FANCB: variants seen among roughly 807,000 people sequenced by gnomAD.
FANCB encodes FA complementation group B, also known as Fanconi anemia group B protein.
Under a neutral mutation model 38.9 loss-of-function variants are expected in FANCB, and 5 were observed. The observed-to-expected ratio is 0.13, with a 90% CI of 0.07 to 0.27. The LOEUF (loss-of-function observed/expected upper bound fraction) is 0.27. Among genes scored for constraint, FANCB ranks in the 10% least tolerant of loss-of-function variants. The pLI is 1.00. For missense variants in FANCB, 573 were observed against 602.7 expected, an observed-to-expected ratio of 0.95 and a Z score of 0.52; for synonymous variants, 236 against 215.4, an observed-to-expected ratio of 1.10 and a Z score of -0.84.
At chrX:14,820,738 A>G in the FANCB span, among the ~76,000 whole-genome samples, 1 of 110,700 alleles carries the variant, frequency 9.0e-6, no homozygotes, top group African/African-American at 3.3e-5. Context: ...GATAGCAATG[A>G]TCTCAGCTGT....
chrX:14,714,637 G>A, the FANCB span, among the ~76,000 whole-genome samples: 5 of 111,673 alleles, frequency 4.5e-5, no homozygotes, highest in African/African-American at 6.5e-5. Context: ...CCACTACTGG[G>A]GGTGAAGTCT....
chrX:14,854,792 G>A (rs1211806144), intron 5 of FANCB, among the ~76,000 whole-genome samples: 2 of 111,714 alleles, frequency 1.8e-5, no homozygotes, highest in African/African-American at 3.3e-5. Context: ...TCCAGGAGCT[G>A]CCCAGGGGCC....
chrX:14,707,298 T>C, the FANCB span, among the ~76,000 whole-genome samples: 1 of 111,603 alleles, frequency 9.0e-6, no homozygotes, highest in Non-Finnish European at 1.9e-5. Flanking sequence ...ATTAGAGTCA[T>C]GGCCTAACCA....
At chrX:14,730,103 C>T in the FANCB span, 5 of 595,060 alleles carry the variant, frequency 8.4e-6, no homozygotes, top group Non-Finnish European at 1.1e-5. Flanking sequence ...TCCCACACCA[C>T]CAGTTAACTG....
the FANCB span, among the ~76,000 whole-genome samples, chrX:14,692,500 TG>T: frequency 2.7e-5 from 3 of 112,194 alleles, no homozygotes; most frequent in South Asian, 7.4e-4. Flanking sequence ...CTTTTACATA[TG>T]GTAATACTGC....
chrX:14,713,197 T>C, the FANCB span, among the ~76,000 whole-genome samples: 5 of 112,200 alleles, frequency 4.5e-5, no homozygotes, highest in Non-Finnish European at 7.5e-5. Context: ...CTGATGCTGT[T>C]ATTATTGTTT....
rs2147387445 is a variant in FANCB at position 14,843,954 on chromosome X, A to C, written c.2193T>G (p.Leu731=). The C allele has an allele frequency of 8.3e-7, 1 of 1,203,035 alleles. No homozygotes were observed. Among genetic ancestry groups the C allele is most frequent in the Non-Finnish European group, 1.1e-6 (1 of 888,842 alleles). ...TAGGGAGAATTCTGATGAGATTATGAAGGCACTGGAACATAACTGTTTGAT... is the reference window on the plus strand; with the variant it reads ...TAGGGAGAATTCTGATGAGATTATGCAGGCACTGGAACATAACTGTTTGAT... ...SRNQTVMFQC[L]HNLIRILPIN... The change falls in exon 10 of 10, where the codon CTT becomes CTG. Residue 731 remains leucine, a synonymous_variant. Transcript: ENST00000650831.
intron 4 of FANCB, among the ~76,000 whole-genome samples, chrX:14,858,638 C>G (rs990988389): frequency 3.6e-5 from 4 of 111,224 alleles, no homozygotes; most frequent in Non-Finnish European, 7.5e-5. Context: ...CTCACTGCAG[C>G]CTTGAATTCC....
At chrX:14,733,327 T>G in the FANCB span, among the ~76,000 whole-genome samples, 3 of 111,882 alleles carry the variant, frequency 2.7e-5, no homozygotes, top group Non-Finnish European at 3.8e-5. Context: ...TTGTTCTTTT[T>G]GCTTAGGATT....
chrX:14,834,541 A>T (rs1173957697), downstream of FANCB: 2 of 503,081 alleles, frequency 4.0e-6, no homozygotes, highest in Non-Finnish European at 7.2e-6. Flanking sequence ...GCAATTCTTC[A>T]CATAACTGAT....
chrX:14,715,447 T>A, the FANCB span, among the ~76,000 whole-genome samples: 23,025 of 111,433 alleles, frequency 0.21, 2,175 homozygotes, highest in Non-Finnish European at 0.3. Context: ...CAAGTATTAT[T>A]CTAGGCACTG....
the FANCB span, chrX:14,730,515 G>T: frequency 1.9e-6 from 2 of 1,059,244 alleles, no homozygotes; most frequent in Non-Finnish European, 2.6e-6. Context: ...GGACCTTCTT[G>T]CCTCAGTGTT....
the FANCB span, among the ~76,000 whole-genome samples, chrX:14,711,948 C>T: frequency 1.8e-5 from 2 of 112,614 alleles, no homozygotes; most frequent in East Asian, 5.6e-4. Context: ...AGTTTCTGTC[C>T]TTTGTAACAA....
the FANCB span, among the ~76,000 whole-genome samples, chrX:14,742,832 G>A: frequency 2.7e-5 from 3 of 112,618 alleles, no homozygotes; most frequent in Non-Finnish European, 5.6e-5. Flanking sequence ...CTACAGAAAG[G>A]TAAACATTTT....
chrX:14,696,863 G>T, the FANCB span, among the ~76,000 whole-genome samples: 8 of 112,093 alleles, frequency 7.1e-5, no homozygotes, highest in Non-Finnish European at 1.3e-4. Flanking sequence ...ACATGGAGAT[G>T]TTCTTAAGTT....
At chrX:14,709,586 T>C in the FANCB span, among the ~76,000 whole-genome samples, 2 of 112,423 alleles carry the variant, frequency 1.8e-5, no homozygotes, top group African/African-American at 6.5e-5. Flanking sequence ...TATAAGAAGC[T>C]ATAAGCGACA....
chrX:14,840,153 G>A (rs980554705), downstream of FANCB, among the ~76,000 whole-genome samples: 5 of 111,931 alleles, frequency 4.5e-5, no homozygotes, highest in Admixed American at 2.8e-4. Flanking sequence ...CACTGCTCCC[G>A]GCCAAGGAAT....
At chrX:14,713,364 C>T in the FANCB span, among the ~76,000 whole-genome samples, 1 of 111,945 alleles carries the variant, frequency 8.9e-6, no homozygotes, top group East Asian at 2.8e-4. Flanking sequence ...TTTTGTGTGT[C>T]TTTTGAGCAC....
chrX:14,773,345 T>C, the FANCB span, among the ~76,000 whole-genome samples: 1 of 112,060 alleles, frequency 8.9e-6, no homozygotes, highest in Non-Finnish European at 1.9e-5. Flanking sequence ...ATGTCAGCAA[T>C]GGCAGGGGTC....
Sources: gnomAD v4.1 joint callset for allele counts (sites outside exome capture counted in the v4.1 genomes callset) on GRCh38, gnomAD v4.1.1 for gene constraint, MANE v1.5 for transcripts, NCBI Gene and HGNC (gene_info 2026-07-23, HGNC 2026-07-21) for gene names.